Variants in MAP7D3 observed in about 807,000 individuals in gnomAD.
The protein encoded by MAP7D3 is MAP7 domain containing 3.
A neutral mutation model predicts 62.2 loss-of-function variants in MAP7D3; 45 were observed. The ratio of observed to expected loss-of-function variants is 0.72; its 90% CI spans 0.57 to 0.93. MAP7D3 has a LOEUF of 0.93. Ranked by LOEUF, MAP7D3 falls within the 40% of genes least tolerant of loss-of-function variation. The probability of loss-of-function intolerance (pLI) is 0.00; values close to 1 mark genes in which losing one functional copy is unlikely to be tolerated. For missense variants in MAP7D3, 711 were observed against 683.1 expected, an observed-to-expected ratio of 1.04 and a Z score of -0.45; for synonymous variants, 288 against 248.8, an observed-to-expected ratio of 1.16 and a Z score of -1.48.
chrX:136,232,004 C>T lies in MAP7D3; in HGVS notation c.953G>A (p.Ser318Asn), dbSNP rs1271840059. Residue 318 changes from serine to asparagine, a missense_variant, in exon 8 of 19, where the codon AGC becomes AAC. Transcript: ENST00000316077. Reference sequence around the variant, plus strand: ...ACCTGCCTTGGGGGACGCTTCCATGCTTGTGTTGCAGAATACTTCCACATT... The same window carrying T: ...ACCTGCCTTGGGGGACGCTTCCATGTTTGTGTTGCAGAATACTTCCACATT... The part of the protein sequence containing the change: ...QVNVEVFCNT[S>N]MEASPKAGVG... The T allele has an allele frequency of 2.5e-6, 3 of 1,211,552 alleles. No individual in the cohort carries two copies. The highest frequency in any genetic ancestry group is 1.1e-6 in the Non-Finnish European group (1 of 895,252).
intron 14 of MAP7D3, among the ~76,000 whole-genome samples, chrX:136,223,149 G>A (rs1453580335): frequency 9.0e-6 from 1 of 111,148 alleles, no homozygotes; most frequent in East Asian, 2.8e-4. Flanking sequence ...GCCTTTGGTT[G>A]CTGCTTGAGG....
Position 136,225,903 on chromosome X carries a change from G to A in MAP7D3, c.2139+6C>T, listed in dbSNP as rs370984105. On this transcript the variant is annotated splice_donor_region_variant and intron_variant, in intron 13 of 18. Transcript: ENST00000316077. ...AATCAAGTCCCCCCAAACAGAGAGCGAGTACCTTTTTCCTTTCTAACCGTT... is the reference window on the plus strand; with the variant it reads ...AATCAAGTCCCCCCAAACAGAGAGCAAGTACCTTTTTCCTTTCTAACCGTT... The A allele has an allele frequency of 8.3e-5, 93 of 1,117,523 alleles. 3 individuals carry two copies. In the African/African-American group the frequency reaches 9.1e-4, roughly 11 times the overall value. 92.1% of individuals were successfully genotyped at this position (1,117,523 alleles called of 1,213,427 possible). A position where few individuals can be genotyped will look rare whatever the true frequency, so the allele number is the denominator to read the frequency against.
Position 136,230,896 on chromosome X carries a change from T to C in MAP7D3, c.1484A>G (p.Tyr495Cys). ...ATTTTCAGGAGATGATGACCATTTATAACACTCAGTGTATGATGATAGACG... is the reference window on the plus strand; with the variant it reads ...ATTTTCAGGAGATGATGACCATTTACAACACTCAGTGTATGATGATAGACG... ...KKRLSSYTEC[Y>C]KWSSSPENAC... The change falls in exon 9 of 19, where the codon TAT becomes TGT. Residue 495 changes from tyrosine (Y) to cysteine (C), a missense_variant. Coordinates refer to ENST00000316077, the MANE Select transcript of MAP7D3 (RefSeq NM_024597.4). The C allele has an allele frequency of 8.3e-7, 1 of 1,198,365 alleles. No individual in the cohort carries two copies. Among genetic ancestry groups the C allele is most frequent in the Non-Finnish European group, 1.1e-6 (1 of 883,574 alleles).
chrX:136,249,957 T>C (rs2074486884), intron 1 of MAP7D3, among the ~76,000 whole-genome samples: 1 of 112,463 alleles, frequency 8.9e-6, no homozygotes, highest in East Asian at 2.8e-4. Context: ...ACATCTGATA[T>C]ACAAATGCTT....
intron 11 of MAP7D3, 42 bp downstream of exon 11, chrX:136,228,581 C>T: frequency 8.8e-7 from 1 of 1,136,873 alleles, no homozygotes; most frequent in Non-Finnish European, 1.2e-6. Flanking sequence ...ATTTGGGCCC[C>T]ACTCAAGATT....
intron 7 of MAP7D3, among the ~76,000 whole-genome samples, chrX:136,235,754 AAAAAGAAAGAAAGAAAG>A (rs2074323121): frequency 8.9e-6 from 1 of 111,802 alleles, no homozygotes; most frequent in Non-Finnish European, 1.9e-5. Context: ...ATTTCAAAAA[AAAAAGAAAGAAAGAAAG>A]AAAAGAAACT....
chrX:136,232,034 T>C lies in MAP7D3; in HGVS notation c.923A>G (p.Gln308Arg), dbSNP rs772079155. 5.8e-6 allele frequency: 7 copies of C among 1,209,008 alleles called. No individual in the cohort carries two copies. In the Admixed American group the frequency reaches 1.5e-4, roughly 26 times the overall value. ...GTTGCAGAATACTTCCACATTCACC[T>C]GGGGGGGTGCATCCACACTTGCCTT... ...PPKASVDAPP[Q>R]VNVEVFCNTS... Residue 308 changes from glutamine to arginine, a missense_variant, in exon 8 of 19, where the codon CAG becomes CGG. Transcript: ENST00000316077.
intron 5 of MAP7D3, among the ~76,000 whole-genome samples, chrX:136,240,755 T>C (rs2074381112): frequency 8.9e-6 from 1 of 111,859 alleles, no homozygotes; most frequent in African/African-American, 3.3e-5. Context: ...CCACGGCAAC[T>C]GGCCAATCCT....
chrX:136,253,831 A>G (rs913992261), upstream of MAP7D3, among the ~76,000 whole-genome samples: 1 of 110,766 alleles, frequency 9.0e-6, no homozygotes, highest in Non-Finnish European at 1.9e-5. Flanking sequence ...CTAGAAAAAA[A>G]TAAAAACACA....
At chrX:136,226,225 G>A (rs758756280) in intron 12 of MAP7D3, among the ~76,000 whole-genome samples, 56 of 110,969 alleles carry the variant, frequency 5.0e-4, no homozygotes, top group Non-Finnish European at 9.4e-4. Flanking sequence ...GTTATCCTGA[G>A]GATTCAGGAC....
upstream of MAP7D3, chrX:136,251,636 C>T: frequency 1.5e-6 from 1 of 667,442 alleles, no homozygotes; most frequent in East Asian, 1.2e-4. Flanking sequence ...GAGGACTAGC[C>T]AATCAGCACC....
Position 136,219,442 on chromosome X carries a change from G to A in MAP7D3, c.2619C>T (p.Thr873=). Reference sequence around the variant, plus strand: ...TTTGCTTCTTCTCTTATTGTCTAAAGGTGTCTGAGGACTTTGGCAAGATGT... The same window carrying A: ...TTTGCTTCTTCTCTTATTGTCTAAAAGTGTCTGAGGACTTTGGCAAGATGT... The part of the protein sequence containing the change: ...FHDILPKSSD[T]FRQ Residue 873 remains threonine, a synonymous_variant, in exon 18 of 19, where the codon ACC becomes ACT. Transcript: ENST00000316077. 8.3e-7 allele frequency: 1 copy of A among 1,203,425 alleles called. No individual in the cohort carries two copies. Among genetic ancestry groups the A allele is most frequent in the Non-Finnish European group, 1.1e-6 (1 of 888,361 alleles).
At chrX:136,250,240 T>A (rs755025518) in intron 1 of MAP7D3, among the ~76,000 whole-genome samples, 25 of 112,054 alleles carry the variant, frequency 2.2e-4, no homozygotes, top group Non-Finnish European at 2.6e-4. Context: ...AGCTTCCCAA[T>A]CGTAAACAAT....
At chrX:136,230,751 A>G (rs890489762) in intron 9 of MAP7D3, 88 bp downstream of exon 9, 5 of 1,001,033 alleles carry the variant, frequency 5.0e-6, no homozygotes, top group Non-Finnish European at 5.5e-6. Flanking sequence ...GTTACCATGC[A>G]TACTATATTA....
chrX:136,232,723 A>G (rs1057236624), intron 7 of MAP7D3, among the ~76,000 whole-genome samples: 1 of 112,293 alleles, frequency 8.9e-6, no homozygotes, highest in Non-Finnish European at 1.9e-5. Flanking sequence ...TAAGACATTA[A>G]TCAGAGTGGG....
intron 6 of MAP7D3, among the ~76,000 whole-genome samples, chrX:136,236,586 T>C (rs188654018): frequency 3.6e-5 from 4 of 111,553 alleles, no homozygotes; most frequent in Admixed American, 9.6e-5. Context: ...ACATCAAAGT[T>C]CCCAAATTAT....
In MAP7D3 at chrX:136,230,954, C is replaced by G. The variant is rs780007944; in HGVS notation, c.1426G>C (p.Asp476His). The G allele has an allele frequency of 2.5e-5, 30 of 1,196,196 alleles. No homozygotes were observed. In the Admixed American group the frequency reaches 5.5e-4, roughly 22 times the overall value. ...ARDAPKKSEMDKQALIPIAKK... is the reference protein window; with the variant it reads ...ARDAPKKSEMHKQALIPIAKK... ...GCAATAGGGATTAAGGCCTGTTTGT[C>G]CATTTCTGATTTCTGAACAGATAAA... is the stretch of plus-strand genomic sequence containing the variant. Residue 476 changes from aspartate (D) to histidine (H), a missense_variant, in exon 9 of 19, where the codon GAC (aspartate) becomes CAC (histidine). Physicochemically the swap from Asp to His is moderately conservative, Grantham distance 81. Coordinates refer to ENST00000316077, the MANE Select transcript of MAP7D3 (RefSeq NM_024597.4).
intron 8 of MAP7D3, 157 bp from the exon 9 acceptor site, chrX:136,231,123 T>C: frequency 2.6e-6 from 1 of 378,891 alleles, no homozygotes; most frequent in Non-Finnish European, 4.4e-6. Flanking sequence ...ATCAGGACAT[T>C]GATATTTGCT....
At chrX:136,246,366 T>C in intron 1 of MAP7D3, 25 bp from the exon 2 acceptor site, 1 of 1,030,596 alleles carries the variant, frequency 9.7e-7, no homozygotes, top group Non-Finnish European at 1.4e-6. Context: ...GATAAAAGGA[T>C]TAGATGTTAA....
Sources: gnomAD v4.1 joint callset for allele counts (sites outside exome capture counted in the v4.1 genomes callset) on GRCh38, gnomAD v4.1.1 for gene constraint, MANE v1.5 for transcripts, NCBI Gene and HGNC (gene_info 2026-07-23, HGNC 2026-07-21) for gene names.